Variants in POLG observed in about 807,000 individuals in gnomAD.
POLG encodes the protein DNA polymerase subunit gamma-1.
A neutral mutation model predicts 155.4 loss-of-function variants in POLG; 110 were observed. The observed-to-expected ratio is 0.71, with a 90% CI of 0.61 to 0.83. The LOEUF (loss-of-function observed/expected upper bound fraction) is 0.83. Ranked by LOEUF, POLG falls within the 40% of genes least tolerant of loss-of-function variation. The pLI is 0.00. For synonymous variants in POLG, 701 were observed against 631.5 expected, an observed-to-expected ratio of 1.11 and a Z score of -1.65; for missense variants, 1,685 against 1,627.5, an observed-to-expected ratio of 1.04 and a Z score of -0.61.
rs1361303371 is a variant in POLG at position 89,316,832 on chromosome 15, A to AAGAT, written c.3644-9_3644-6dup. Reference sequence around the variant, plus strand: ...GGTAAATATCCAGCGCTTCACCTGAAAGATAGTGCAAATTGGTTAGGATGC... The same window carrying AAGAT: ...GGTAAATATCCAGCGCTTCACCTGAAAGATAGATAGTGCAAATTGGTTAGGATGC... On this transcript the variant is annotated splice_region_variant and splice_polypyrimidine_tract_variant and intron_variant, in intron 22 of 22. Transcript: ENST00000268124. 7.5e-6 allele frequency: 12 copies of AAGAT among 1,610,618 alleles called. No individual in the cohort carries two copies. Among genetic ancestry groups the AAGAT allele is most frequent in the Admixed American group, 5.0e-5 (3 of 60,002 alleles).
rs2055306325 is a variant in POLG, at chr15:89,317,365, G to A, written c.3643+11C>T. The A allele has an allele frequency of 1.9e-6, 3 of 1,613,484 alleles. No homozygotes were observed. The highest frequency in any genetic ancestry group is 1.7e-6 in the Non-Finnish European group (2 of 1,179,442). On this transcript the variant is annotated intron_variant, in intron 22 of 22. Transcript: ENST00000268124. ...CCTATGTGTAATGAGGAACAAATGTGTTGTGCTCACCCTGGGGAATCCCGT... is the reference window on the plus strand; with the variant it reads ...CCTATGTGTAATGAGGAACAAATGTATTGTGCTCACCCTGGGGAATCCCGT...
intron 21 of POLG, among the ~76,000 whole-genome samples, chr15:89,318,255 GC>G (rs2055334035): frequency 6.6e-6 from 1 of 152,160 alleles, no homozygotes. Flanking sequence ...AAATAGAAAA[GC>G]GTGAGTACCA....
intron 1 of POLG, 200 bp from the exon 2 acceptor site, chr15:89,334,113 C>T: frequency 2.7e-6 from 1 of 370,624 alleles, no homozygotes; most frequent in Non-Finnish European, 5.0e-6. Flanking sequence ...CGTCAGTGAA[C>T]CCACGTGGGG....
At chr15:89,325,713 G>C (rs1267106093) in intron 9 of POLG, 27 bp from the exon 10 acceptor site, 3 of 1,520,622 alleles carry the variant, frequency 2.0e-6, no homozygotes, top group Non-Finnish European at 2.7e-6. Context: ...AGACAGCAGT[G>C]TCACGATGGT....
chr15:89,331,290 G>A lies in POLG; in HGVS notation c.660-1014C>T, dbSNP rs191239799. Among the ~76,000 whole-genome samples the A allele has an allele frequency of 8.3e-3, 1,261 of 152,188 alleles. 13 individuals carry two copies. Among genetic ancestry groups the A allele is most frequent in the Non-Finnish European group, 0.013 (867 of 68,008 alleles). On this transcript the variant is annotated intron_variant, in intron 2 of 22. Coordinates refer to ENST00000268124, the MANE Select transcript of POLG (RefSeq NM_002693.3). ...GTGAAAATAAGCCAAGGGACTGAAA[G>A]AAATCCCCACCCCCCCACATTTTAA... is the stretch of plus-strand genomic sequence containing the variant.
rs567791866 is a variant in POLG at position 89,334,493 on chromosome 15, CAGG to C, written c.-160+177_-160+179del. ...GGCCCACCCGGCCGAGAGCGTCCTG[CAGG>C]AGGAGTCGGCGGCCACCCCCGTGCG... On this transcript the variant is annotated intron_variant, in intron 1 of 22. Coordinates refer to ENST00000268124, the MANE Select transcript of POLG (RefSeq NM_002693.3). 36 of 152,244 alleles carry C rather than the reference CAGG, an allele frequency of 2.4e-4. No homozygotes were observed. The East Asian group carries it at 2.9e-3, about 12-fold the overall frequency. 9.4% of individuals were successfully genotyped at this position (152,244 alleles called of 1,614,324 possible). A position where few individuals can be genotyped will look rare whatever the true frequency, so the allele number is the denominator to read the frequency against.
chr15:89,320,198 TGTACTGTACCTCAGG>T (rs1344451263), intron 18 of POLG, among the ~76,000 whole-genome samples: 1 of 152,258 alleles, frequency 6.6e-6, no homozygotes, highest in Non-Finnish European at 1.5e-5. Context: ...ATGTGGACAG[TGTACTGTACCTCAGG>T]AAGTTGTACC....
At chr15:89,331,971 G>C (rs2055599892) in intron 2 of POLG, among the ~76,000 whole-genome samples, 1 of 152,180 alleles carries the variant, frequency 6.6e-6, no homozygotes, top group African/African-American at 2.4e-5. Flanking sequence ...AAAGAGAAAA[G>C]AAAAGGGGAC....
Position 89,333,633 on chromosome 15 carries a change from C to A in POLG, c.122G>T (p.Arg41Leu). The A allele has an allele frequency of 6.4e-7, 1 of 1,564,744 alleles. No homozygotes were observed. Among genetic ancestry groups the A allele is most frequent in the Non-Finnish European group, 8.7e-7 (1 of 1,150,090 alleles). The change falls in exon 2 of 23, where the codon CGG becomes CTG. Residue 41 changes from arginine to leucine, a missense_variant. This residue lies in a region of POLG where 1,210 missense variants were observed against 1,167.1 expected (regional missense o/e 1.04). Transcript: ENST00000268124. Reference sequence around the variant, plus strand: ...CTGCTGCTGCTGCTGCTGCTGCCGCCGCCGCTGCCCGTCGCTGGGGTCGGA... The same window carrying A: ...CTGCTGCTGCTGCTGCTGCTGCCGCAGCCGCTGCCCGTCGCTGGGGTCGGA... The part of the protein sequence containing the change: ...PASDPSDGQR[R>L]RQQQQQQQQQ...
Position 89,329,084 on chromosome 15 carries a change from G to T in POLG, c.882C>A (p.Thr294=). 1 of 1,612,752 alleles carries T rather than the reference G, an allele frequency of 6.2e-7. No individual in the cohort carries two copies. The highest frequency in any genetic ancestry group is 1.1e-5 in the South Asian group (1 of 91,032). The change falls in exon 4 of 23, where the codon ACC becomes ACA. Residue 294 remains threonine (T), a synonymous_variant. Coordinates refer to ENST00000268124, the MANE Select transcript of POLG (RefSeq NM_002693.3). ...CTGAGATGGCCATGTGCATGCTCAT[G>T]GTGTCCAGGAAACGCATGCGGGAAC... ...IQGSRMRFLD[T]MSMHMAISGL...
chr15:89,325,267 T>G, intron 10 of POLG, among the ~76,000 whole-genome samples, 183 bp downstream of exon 10: 1 of 106,414 alleles, frequency 9.4e-6, no homozygotes, highest in African/African-American at 5.1e-5. Flanking sequence ...AGTGAGTGAG[T>G]GAGTGAGAGA....
Position 89,323,486 on chromosome 15 carries a change from G to A in POLG, c.2183C>T (p.Thr728Ile). The change falls in exon 13 of 23, where the codon ACC (threonine) becomes ATC (isoleucine). Residue 728 changes from threonine to isoleucine, a missense_variant. Coordinates refer to ENST00000268124, the MANE Select transcript of POLG (RefSeq NM_002693.3). The part of the protein sequence containing the change: ...ALTARGGPKD[T>I]QPSYHHGNGP... ...ATTGCCATGGTGATAGCTGGGCTGG[G>A]TGTCCTTGGGGCCACCACGGGCAGT... 6.2e-7 allele frequency: 1 copy of A among 1,613,522 alleles called. No individual in the cohort carries two copies.
rs796052883 is a variant in POLG, at chr15:89,323,826, G to A, written c.2146C>T (p.Pro716Ser). Residue 716 changes from proline (P) to serine (S), a missense_variant, in exon 12 of 23, where the codon CCC becomes TCC. Transcript: ENST00000268124. ...GGCGCACTGCTCACCAGAGCTAGGGGTTGACCTGGCACTGCAGCTCGCAAG... is the reference window on the plus strand; with the variant it reads ...GGCGCACTGCTCACCAGAGCTAGGGATTGACCTGGCACTGCAGCTCGCAAG... Reference protein sequence around the residue: ...ENLRAAVPGQPLALTARGGPK... With the variant: ...ENLRAAVPGQSLALTARGGPK... The A allele has an allele frequency of 3.1e-6, 5 of 1,613,384 alleles. No homozygotes were observed. In the African/African-American group the frequency reaches 6.7e-5, roughly 22 times the overall value.
At chr15:89,323,270 T>C in intron 13 of POLG, 134 bp downstream of exon 13, 1 of 704,228 alleles carries the variant, frequency 1.4e-6, no homozygotes, top group South Asian at 1.5e-5. Context: ...AGTATGTGCC[T>C]GAAATCACAC....
Position 89,316,360 on chromosome 15 carries a change from T to C in POLG, c.*391A>G. ...TTTATTTCCACTGCCTTGGAGCAGG[T>C]TTATCACGTTAGAGCATTAATTCTT... is the stretch of plus-strand genomic sequence containing the variant. On this transcript the variant is annotated 3_prime_UTR_variant, in exon 23 of 23. Coordinates refer to ENST00000268124, the MANE Select transcript of POLG (RefSeq NM_002693.3). The C allele has an allele frequency of 6.3e-7, 1 of 1,589,888 alleles. No individual in the cohort carries two copies.
chr15:89,330,264 G>C lies in POLG; in HGVS notation c.672C>G (p.Cys224Trp). The change falls in exon 3 of 23, where the codon TGC becomes TGG. Residue 224 changes from cysteine (C) to tryptophan (W), a missense_variant. Cys to Trp is a radical substitution (Grantham distance 215). Coordinates refer to ENST00000268124, the MANE Select transcript of POLG (RefSeq NM_002693.3). ...AACGCTCTTCCACCAGCCGCTGGCTGCACCAGGAATACCTGAGGGAGGTGA... is the reference window on the plus strand; with the variant it reads ...AACGCTCTTCCACCAGCCGCTGGCTCCACCAGGAATACCTGAGGGAGGTGA... ...AISPSAWYSW[C>W]SQRLVEERYS... 6.2e-7 allele frequency: 1 copy of C among 1,611,176 alleles called. No individual in the cohort carries two copies. Among genetic ancestry groups the C allele is most frequent in the Non-Finnish European group, 8.5e-7 (1 of 1,179,826 alleles).
chr15:89,325,141 AGAGAGT>A lies in POLG; in HGVS notation c.1949+303_1949+308del, dbSNP rs1409472929. On this transcript the variant is annotated intron_variant, in intron 10 of 22. Coordinates refer to ENST00000268124, the MANE Select transcript of POLG (RefSeq NM_002693.3). The stretch of plus-strand genomic sequence containing the variant: ...GAGTGAGTGAGTGAGAGAGTGAGTG[AGAGAGT>A]GAGTGAGTGAGTGAGTGAGTGAGAG... Among the ~76,000 whole-genome samples, 267 of 63,794 alleles carry A rather than the reference AGAGAGT, an allele frequency of 4.2e-3. 42 individuals are homozygous for A. The highest frequency in any genetic ancestry group is 0.015 in the Middle Eastern group (2 of 136). 41.9% of individuals were successfully genotyped at this position (63,794 alleles called of 152,430 possible). A position where few individuals can be genotyped will look rare whatever the true frequency, so the allele number is the denominator to read the frequency against.
chr15:89,319,195 T>C (rs1173472628), intron 19 of POLG, 33 bp downstream of exon 19: 1 of 1,614,140 alleles, frequency 6.2e-7, no homozygotes, highest in Non-Finnish European at 8.5e-7. Context: ...CCCAGACCCC[T>C]CCCTCCATCC....
Position 89,327,172 on chromosome 15 carries a change from TC to T in POLG, c.1427del (p.Gly476GlufsTer28). On this transcript the variant is annotated frameshift_variant, in exon 7 of 23. Coordinates refer to ENST00000268124, the MANE Select transcript of POLG (RefSeq NM_002693.3). LOFTEE classifies it high-confidence loss of function. ...CCCACCCAAGGCCTGGCTACCTCTC[TC>T]CTGAGAGCAGCTGGCAGGCATCATT... is the stretch of plus-strand genomic sequence containing the variant. ...LANDACQLLS[G>X]ERYKEDPWLW... 1 of 1,614,222 alleles carries T rather than the reference TC, an allele frequency of 6.2e-7. No individual in the cohort carries two copies. The highest frequency in any genetic ancestry group is 8.5e-7 in the Non-Finnish European group (1 of 1,180,036).
Sources: gnomAD v4.1 joint callset for allele counts (sites outside exome capture counted in the v4.1 genomes callset) on GRCh38, gnomAD v4.1.1 for gene constraint, gnomAD v4.1.1 regional missense constraint, MANE v1.5 for transcripts, NCBI Gene and HGNC (gene_info 2026-07-23, HGNC 2026-07-21) for gene names.